RBFOX1: variants seen among roughly 807,000 people sequenced by gnomAD.
The protein encoded by RBFOX1 is RNA binding protein fox-1 homolog 1.
In RBFOX1, 8 loss-of-function variants were observed where a neutral mutation model predicts 57.7. The observed-to-expected ratio is 0.14, with a 90% CI of 0.08 to 0.25. The LOEUF (loss-of-function observed/expected upper bound fraction) is 0.25. Ranked by LOEUF, RBFOX1 falls within the 10% of genes least tolerant of loss-of-function variation. The probability of loss-of-function intolerance (pLI) is 1.00; values close to 1 mark genes in which losing one functional copy is unlikely to be tolerated. For missense variants in RBFOX1, 611 were observed against 548.5 expected (o/e 1.11, Z -1.14); for synonymous variants, 326 against 222.4 (o/e 1.47, Z -4.15).
intron 13 of RBFOX1, among the ~76,000 whole-genome samples, chr16:7,675,605 A>G (rs2146352467): frequency 6.6e-6 from 1 of 152,330 alleles, no homozygotes; most frequent in Middle Eastern, 3.4e-3. Context: ...AGACCCGTGT[A>G]CCTACATCTT....
intron 4 of RBFOX1, among the ~76,000 whole-genome samples, chr16:5,921,928 G>A (rs1343333480): frequency 6.6e-6 from 1 of 151,854 alleles, no homozygotes; most frequent in Non-Finnish European, 1.5e-5. Flanking sequence ...AAGGTGGGAG[G>A]ATCGCTTGAG....
chr16:6,041,883 A>G (rs1012846652), intron 1 of RBFOX1, among the ~76,000 whole-genome samples: 3 of 152,092 alleles, frequency 2.0e-5, no homozygotes, highest in Admixed American at 1.3e-4. Flanking sequence ...TTAAAGTTCT[A>G]TAGCTCAGGA....
At chr16:5,955,577 A>T (rs1480724603) in intron 4 of RBFOX1, among the ~76,000 whole-genome samples, 1 of 152,118 alleles carries the variant, frequency 6.6e-6, no homozygotes, top group Non-Finnish European at 1.5e-5. Flanking sequence ...ATATTGTTGA[A>T]ATAAATGTAT....
intron 4 of RBFOX1, among the ~76,000 whole-genome samples, chr16:5,891,281 G>T (rs1225520289): frequency 1.3e-5 from 2 of 152,184 alleles, no homozygotes; most frequent in Non-Finnish European, 2.9e-5. Context: ...GGAGCTGTCG[G>T]ATGGCTGGAG....
chr16:7,476,243 A>G (rs9927632), intron 4 of RBFOX1, among the ~76,000 whole-genome samples: 2,553 of 152,274 alleles, frequency 0.017, 97 homozygotes, highest in African/African-American at 0.058. Context: ...AAAGTGCTGA[A>G]ATTACAGGCA....
chr16:5,243,704 G>A (rs2062226173), intron 1 of RBFOX1, among the ~76,000 whole-genome samples: 1 of 152,148 alleles, frequency 6.6e-6, no homozygotes, highest in Admixed American at 6.5e-5. Context: ...GTTTGAGGGT[G>A]ACAGTGTTGA....
At chr16:7,649,972 G>A (rs1307071344) in intron 11 of RBFOX1, among the ~76,000 whole-genome samples, 2 of 151,774 alleles carry the variant, frequency 1.3e-5, no homozygotes, top group Non-Finnish European at 2.9e-5. Context: ...AGAAGAGGGA[G>A]AGGAAGAAGA....
intron 3 of RBFOX1, among the ~76,000 whole-genome samples, chr16:5,853,785 T>C (rs1362502228): frequency 6.6e-6 from 1 of 152,098 alleles, no homozygotes. Context: ...AGACAGGGTC[T>C]CCCTCTGTCA....
In RBFOX1 at chr16:6,671,481, T is replaced by C. The variant is rs1225085193; in HGVS notation, c.-16+16831T>C. The stretch of plus-strand genomic sequence containing the variant: ...TTGAACATTAGAAAGTAAGACATAA[T>C]AGAAGAATAGGGAAGTCTGTTGGGA... On this transcript the variant is annotated intron_variant, in intron 3 of 15. Coordinates refer to ENST00000550418, the MANE Select transcript of RBFOX1 (RefSeq NM_018723.4). 3.9e-5 allele frequency among the ~76,000 whole-genome samples: 6 copies of C among 152,224 alleles called. No homozygotes were observed. In the East Asian group the frequency reaches 7.7e-4, roughly 20 times the overall value.
intron 4 of RBFOX1, among the ~76,000 whole-genome samples, chr16:7,113,545 A>G (rs2065236232): frequency 6.6e-6 from 1 of 152,132 alleles, no homozygotes. Context: ...ACAGGAATAT[A>G]TTATGCAATT....
chr16:6,235,646 A>G (rs911648922), intron 1 of RBFOX1, among the ~76,000 whole-genome samples: 1 of 151,902 alleles, frequency 6.6e-6, no homozygotes, highest in Non-Finnish European at 1.5e-5. Flanking sequence ...ATATATATAC[A>G]CATATGTATA....
At chr16:7,103,150 T>A (rs955498538) in intron 4 of RBFOX1, among the ~76,000 whole-genome samples, 1 of 152,162 alleles carries the variant, frequency 6.6e-6, no homozygotes, top group African/African-American at 2.4e-5. Context: ...TTACTGAAAG[T>A]TATTCCATTT....
chr16:5,837,074 C>T (rs1274168474), intron 3 of RBFOX1, among the ~76,000 whole-genome samples: 1 of 152,096 alleles, frequency 6.6e-6, no homozygotes, highest in African/African-American at 2.4e-5. Flanking sequence ...GAGGTCCCTT[C>T]TTAGGGGACA....
At chr16:7,488,616 C>T (rs1175308193) in intron 4 of RBFOX1, among the ~76,000 whole-genome samples, 1 of 152,152 alleles carries the variant, frequency 6.6e-6, no homozygotes, top group Non-Finnish European at 1.5e-5. Flanking sequence ...CCGTTACACA[C>T]CTATCTACTA....
At chr16:6,506,329 G>A (rs1235889578) in intron 2 of RBFOX1, among the ~76,000 whole-genome samples, 3 of 152,050 alleles carry the variant, frequency 2.0e-5, no homozygotes, top group Admixed American at 2.0e-4. Context: ...CTGGAGGGAA[G>A]AGCCAGACAC....
intron 2 of RBFOX1, among the ~76,000 whole-genome samples, chr16:6,368,103 C>G (rs141505953): frequency 5.3e-5 from 8 of 152,198 alleles, no homozygotes; most frequent in African/African-American, 1.9e-4. Flanking sequence ...TACCCTTCCT[C>G]TTCTTCTCTT....
At chr16:5,877,704 C>T (rs2057650650) in intron 4 of RBFOX1, among the ~76,000 whole-genome samples, 1 of 152,256 alleles carries the variant, frequency 6.6e-6, no homozygotes, top group Admixed American at 6.5e-5. Context: ...CCCAGAGTAG[C>T]AGCTCAGAGG....
intron 4 of RBFOX1, among the ~76,000 whole-genome samples, chr16:7,072,425 T>C (rs1214068696): frequency 6.6e-6 from 1 of 152,236 alleles, no homozygotes; most frequent in African/African-American, 2.4e-5. Flanking sequence ...CCCTTTAGAT[T>C]GACTCCTCTT....
chr16:6,470,641 C>A (rs1446978278), intron 2 of RBFOX1, among the ~76,000 whole-genome samples: 2 of 152,196 alleles, frequency 1.3e-5, no homozygotes, highest in East Asian at 1.9e-4. Context: ...CCCTACCCAA[C>A]TTGATGTGGT....
Sources: gnomAD v4.1 joint callset for allele counts (sites outside exome capture counted in the v4.1 genomes callset) on GRCh38, gnomAD v4.1.1 for gene constraint, MANE v1.5 for transcripts, NCBI Gene and HGNC (gene_info 2026-07-23, HGNC 2026-07-21) for gene names.